CDRT4: variants seen among roughly 807,000 people sequenced by gnomAD.
CDRT4 encodes the protein CMT1A duplicated region transcript 4.
For synonymous variants in CDRT4, 64 were observed against 69.6 expected, an observed-to-expected ratio of 0.92 and a Z score of 0.40; for missense variants, 167 against 193.1, an observed-to-expected ratio of 0.87 and a Z score of 0.80.
chr17:15,437,610 T>G lies in CDRT4; in HGVS notation c.*163A>C, dbSNP rs1318984718. On this transcript the variant is annotated 3_prime_UTR_variant, in exon 4 of 4. Transcript: ENST00000619038. ...CTCACCCACCCACCTACAGCTTGCATTCTGATCTGGTTTCTCTTAGCCAAG... is the reference window on the plus strand; with the variant it reads ...CTCACCCACCCACCTACAGCTTGCAGTCTGATCTGGTTTCTCTTAGCCAAG... 3 of 723,316 alleles carry G rather than the reference T, an allele frequency of 4.1e-6. No individual in the cohort carries two copies. The highest frequency in any genetic ancestry group is 6.7e-6 in the Non-Finnish European group (3 of 446,818). 44.8% of individuals were successfully genotyped at this position (723,316 alleles called of 1,614,324 possible).
intron 2 of CDRT4, chr17:15,444,159 G>A (rs968788284): frequency 6.8e-5 from 83 of 1,226,284 alleles, no homozygotes; most frequent in Non-Finnish European, 3.3e-5. Flanking sequence ...ATATGTCTCT[G>A]AAAAAGGAAC....
intron 2 of CDRT4, among the ~76,000 whole-genome samples, chr17:15,444,620 G>A (rs1026441423): frequency 6.6e-6 from 1 of 152,196 alleles, no homozygotes; most frequent in East Asian, 1.9e-4. Flanking sequence ...AGGAGGCCAA[G>A]GTGAGTGGAT....
At chr17:15,447,158 C>A (rs1406783738) in intron 2 of CDRT4, among the ~76,000 whole-genome samples, 2 of 152,176 alleles carry the variant, frequency 1.3e-5, no homozygotes, top group African/African-American at 4.8e-5. Context: ...AAAGCAGAGG[C>A]CTCCCAGTAC....
At chr17:15,463,858 A>C (rs901843661) in intron 1 of CDRT4, among the ~76,000 whole-genome samples, 2 of 152,198 alleles carry the variant, frequency 1.3e-5, no homozygotes, top group African/African-American at 4.8e-5. Flanking sequence ...CCTAGGGAAG[A>C]TACAAGGCTG....
chr17:15,466,194 G>C (rs1242876058), intron 1 of CDRT4, among the ~76,000 whole-genome samples: 1 of 152,152 alleles, frequency 6.6e-6, no homozygotes, highest in Non-Finnish European at 1.5e-5. Context: ...CAGGGACTCG[G>C]CTGCCCATGT....
At chr17:15,455,504 G>A (rs1288554069) in intron 1 of CDRT4, among the ~76,000 whole-genome samples, 2 of 152,182 alleles carry the variant, frequency 1.3e-5, no homozygotes, top group Non-Finnish European at 2.9e-5. Context: ...AGTATGAACT[G>A]CATCTAATGA....
chr17:15,457,225 A>G (rs987507296), intron 1 of CDRT4, among the ~76,000 whole-genome samples: 7 of 152,208 alleles, frequency 4.6e-5, no homozygotes, highest in Non-Finnish European at 1.0e-4. Context: ...GAAGTTTCCT[A>G]ATGTCCCACC....
At chr17:15,458,758 T>C (rs903683542) in intron 1 of CDRT4, among the ~76,000 whole-genome samples, 1 of 152,180 alleles carries the variant, frequency 6.6e-6, no homozygotes, top group Non-Finnish European at 1.5e-5. Flanking sequence ...GGAGGGATAC[T>C]GTCCCTGCTG....
chr17:15,443,570 A>G (rs1978876061), intron 2 of CDRT4: 1 of 272,986 alleles, frequency 3.7e-6, no homozygotes, highest in Non-Finnish European at 7.0e-6. Flanking sequence ...GGTGTGAATC[A>G]TAACACCTAG....
At chr17:15,466,697 G>T (rs947279067) in intron 1 of CDRT4, among the ~76,000 whole-genome samples, 2 of 151,994 alleles carry the variant, frequency 1.3e-5, no homozygotes, top group Non-Finnish European at 2.9e-5. Flanking sequence ...CAGAGTAGCT[G>T]GGACTACAGG....
rs1345451479 is a variant in CDRT4, at chr17:15,437,162, T to C, written c.*611A>G. The stretch of plus-strand genomic sequence containing the variant: ...TCCCCTCAGAGACACCAACAAAACA[T>C]CTCCCCTATTCAGAGGAGGGGGCAC... On this transcript the variant is annotated 3_prime_UTR_variant, in exon 4 of 4. Transcript: ENST00000619038. The C allele has an allele frequency of 6.6e-6, 1 of 152,362 alleles. No individual in the cohort carries two copies. Among genetic ancestry groups the C allele is most frequent in the Admixed American group, 6.5e-5 (1 of 15,296 alleles). The allele number at this position is 152,362 out of a possible 1,614,324, so 9.4% of individuals were successfully genotyped here. A position where few individuals can be genotyped will look rare whatever the true frequency, so the allele number is the denominator to read the frequency against.
chr17:15,462,427 CAAAAAAAAAAAAA>C (rs55662712), intron 1 of CDRT4, among the ~76,000 whole-genome samples: 5 of 59,884 alleles, frequency 8.3e-5, no homozygotes, highest in Admixed American at 4.5e-4. Flanking sequence ...GACTCCATCT[CAAAAAAAAAAAAA>C]AAAAAAAAAA....
intron 2 of CDRT4, among the ~76,000 whole-genome samples, chr17:15,441,303 C>T (rs1349146078): frequency 1.3e-5 from 2 of 152,170 alleles, no homozygotes; most frequent in African/African-American, 4.8e-5. Flanking sequence ...GTACTAGAAT[C>T]ACCTGGAGAC....
chr17:15,444,166 G>A lies in CDRT4; in HGVS notation c.-47-3881C>T, dbSNP rs548919351. 3 of 1,198,208 alleles carry A rather than the reference G, an allele frequency of 2.5e-6. No homozygotes were observed. In the Admixed American group the frequency reaches 5.2e-5, roughly 21 times the overall value. 74.2% of individuals were successfully genotyped at this position (1,198,208 alleles called of 1,614,324 possible). A position where few individuals can be genotyped will look rare whatever the true frequency, so the allele number is the denominator to read the frequency against. On this transcript the variant is annotated intron_variant, in intron 2 of 3. Coordinates refer to ENST00000619038, the MANE Select transcript of CDRT4 (RefSeq NM_001204477.2). The stretch of plus-strand genomic sequence containing the variant: ...GATGGTATATATGTCTCTGAAAAAG[G>A]AACTGTTCAGCAGGCCGATGAATAA...
At chr17:15,446,461 G>A (rs1442823683) in intron 2 of CDRT4, among the ~76,000 whole-genome samples, 1 of 152,088 alleles carries the variant, frequency 6.6e-6, no homozygotes. Flanking sequence ...AATGGGAGTG[G>A]GGAGGGGCGA....
In CDRT4 at chr17:15,440,197, C is replaced by G; in HGVS notation, c.31+11G>C. On this transcript the variant is annotated intron_variant, in intron 3 of 3. Transcript: ENST00000619038. Reference sequence around the variant, plus strand: ...TGCAGGAGCTTCCACTGGTAACACTCCCAACCCTACCTTCTTCTTTCTTCA... The same window carrying G: ...TGCAGGAGCTTCCACTGGTAACACTGCCAACCCTACCTTCTTCTTTCTTCA... 1 of 1,613,476 alleles carries G rather than the reference C, an allele frequency of 6.2e-7. No individual in the cohort carries two copies. Among genetic ancestry groups the G allele is most frequent in the Non-Finnish European group, 8.5e-7 (1 of 1,179,972 alleles).
At chr17:15,457,336 G>A (rs1417177037) in intron 1 of CDRT4, among the ~76,000 whole-genome samples, 1 of 152,196 alleles carries the variant, frequency 6.6e-6, no homozygotes, top group African/African-American at 2.4e-5. Context: ...ATTCCCGGAT[G>A]CGTTTTCAAA....
In CDRT4 at chr17:15,437,136, G is replaced by C. The variant is rs1030468241; in HGVS notation, c.*637C>G. 6.6e-6 allele frequency: 1 copy of C among 152,310 alleles called. No individual in the cohort carries two copies. Among genetic ancestry groups the C allele is most frequent in the Non-Finnish European group, 1.5e-5 (1 of 68,200 alleles). The allele number at this position is 152,310 out of a possible 1,614,324, so 9.4% of individuals were successfully genotyped here. On this transcript the variant is annotated 3_prime_UTR_variant, in exon 4 of 4. Transcript: ENST00000619038. ...CACTCACAAAAGCAGCCTCATGGGGGTCCCCTCAGAGACACCAACAAAACA... is the reference window on the plus strand; with the variant it reads ...CACTCACAAAAGCAGCCTCATGGGGCTCCCCTCAGAGACACCAACAAAACA...
At chr17:15,460,327 GTCAAC>G (rs1292771629) in intron 1 of CDRT4, among the ~76,000 whole-genome samples, 11 of 152,174 alleles carry the variant, frequency 7.2e-5, no homozygotes, top group Admixed American at 3.3e-4. Flanking sequence ...ATCAAATCAT[GTCAAC>G]TCAACCTGTA....
Sources: gnomAD v4.1 joint callset for allele counts (sites outside exome capture counted in the v4.1 genomes callset) on GRCh38, gnomAD v4.1.1 for gene constraint, MANE v1.5 for transcripts, NCBI Gene and HGNC (gene_info 2026-07-23, HGNC 2026-07-21) for gene names.